Variants in DAB1 observed in about 807,000 individuals in gnomAD.
DAB1 encodes the protein DAB adaptor protein 1.
Under a neutral mutation model 64.6 loss-of-function variants are expected in DAB1, and 15 were observed. That is an observed-to-expected ratio of 0.23 (90% confidence interval 0.16 to 0.36). DAB1 has a LOEUF of 0.36. DAB1 is among the 10% of genes least tolerant of loss of function. DAB1 has a pLI of 1.00. For missense variants in DAB1, 596 were observed against 706.7 expected (o/e 0.84, Z 1.78); for synonymous variants, 235 against 251.9 (o/e 0.93, Z 0.64).
intron 4 of DAB1, among the ~76,000 whole-genome samples, chr1:58,236,807 G>A (rs1238976883): frequency 2.6e-5 from 4 of 152,154 alleles, no homozygotes; most frequent in South Asian, 2.1e-4. Context: ...TGCCAAATCC[G>A]CTAGACTTTT....
rs115259591 is a variant in DAB1 at position 57,433,391 on chromosome 1, G to A, written n.626-142225C>T. Among the ~76,000 whole-genome samples the A allele has an allele frequency of 8.7e-3, 1,331 of 152,124 alleles. 13 individuals carry two copies. Among genetic ancestry groups the A allele is most frequent in the South Asian group, 0.015 (70 of 4,820 alleles). On this transcript the variant is annotated intron_variant and non_coding_transcript_variant, in intron 7 of 20. Coordinates refer to the DAB1 transcript ENST00000485760. ...ATAGAGAATACAGAAATAGATCAAT[G>A]CAGTCACTTGATTTTTTTTTGAAAA...
chr1:57,547,192 G>A (rs1244473710), intron 7 of DAB1, among the ~76,000 whole-genome samples: 1 of 152,046 alleles, frequency 6.6e-6, no homozygotes, highest in Non-Finnish European at 1.5e-5. Context: ...ACAATGAGAT[G>A]GGTGACCACA....
At chr1:58,518,352 A>G (rs1004441526) in intron 2 of DAB1, among the ~76,000 whole-genome samples, 2 of 49,640 alleles carry the variant, frequency 4.0e-5, no homozygotes, top group Non-Finnish European at 1.0e-4. Flanking sequence ...AGAGAAGAGA[A>G]GGGAAGGGAA....
At chr1:57,495,299 A>T (rs1312534337) in intron 7 of DAB1, among the ~76,000 whole-genome samples, 1 of 152,206 alleles carries the variant, frequency 6.6e-6, no homozygotes, top group African/African-American at 2.4e-5. Context: ...AAAAGTTATG[A>T]CAATAATTTC....
At chr1:57,525,735 T>G (rs1644583306) in intron 7 of DAB1, among the ~76,000 whole-genome samples, 2 of 152,034 alleles carry the variant, frequency 1.3e-5, no homozygotes, top group East Asian at 1.9e-4. Flanking sequence ...TTAACCACAT[T>G]ATTATTATAT....
At chr1:58,328,885 A>G (rs1662908825) in intron 4 of DAB1, among the ~76,000 whole-genome samples, 1 of 152,152 alleles carries the variant, frequency 6.6e-6, no homozygotes, top group Non-Finnish European at 1.5e-5. Flanking sequence ...CTTTTTAACC[A>G]GGCCAACTCT....
intron 6 of DAB1, among the ~76,000 whole-genome samples, chr1:57,773,207 C>G (rs532209529): frequency 2.5e-4 from 38 of 152,058 alleles, no homozygotes; most frequent in African/African-American, 8.7e-4. Flanking sequence ...ATAAGAGCCC[C>G]AGGAAATTAA....
At chr1:57,784,371 T>TTATATAACAGATATAACAATAATGAAA (rs1650245817) in intron 6 of DAB1, among the ~76,000 whole-genome samples, 1 of 152,046 alleles carries the variant, frequency 6.6e-6, no homozygotes, top group Admixed American at 6.6e-5. Context: ...TTAGGCTGGG[T>TTATATAACAGATATAACAATAATGAAA]GTTGAAGTGA....
chr1:57,729,620 C>T (rs928399280), intron 6 of DAB1, among the ~76,000 whole-genome samples: 11 of 152,214 alleles, frequency 7.2e-5, no homozygotes, highest in African/African-American at 2.4e-4. Context: ...ATTTCAGTGG[C>T]TCTCCAGAAG....
At chr1:57,923,318 C>T (rs2102026092) in intron 5 of DAB1, among the ~76,000 whole-genome samples, 1 of 152,230 alleles carries the variant, frequency 6.6e-6, no homozygotes, top group South Asian at 2.1e-4. Context: ...ATTATCTAAA[C>T]AGATTGGCCA....
chr1:58,390,276 C>T (rs1644465739), intron 3 of DAB1, among the ~76,000 whole-genome samples: 1 of 152,090 alleles, frequency 6.6e-6, no homozygotes, highest in South Asian at 2.1e-4. Context: ...TGTGAACCTC[C>T]AGCTGCCCCT....
At chr1:58,049,558 T>C (rs2100523814) in intron 5 of DAB1, among the ~76,000 whole-genome samples, 1 of 152,230 alleles carries the variant, frequency 6.6e-6, no homozygotes, top group East Asian at 1.9e-4. Context: ...TGCTGGTAAG[T>C]AGAATATTTG....
At chr1:57,852,575 C>T (rs964135276) in intron 1 of DAB1, among the ~76,000 whole-genome samples, 1 of 151,864 alleles carries the variant, frequency 6.6e-6, no homozygotes, top group African/African-American at 2.4e-5. Flanking sequence ...CCCTCCTCAT[C>T]ACCCCACATC....
At chr1:57,659,757 G>A (rs1424620818) in intron 6 of DAB1, among the ~76,000 whole-genome samples, 1 of 151,958 alleles carries the variant, frequency 6.6e-6, no homozygotes, top group Admixed American at 6.6e-5. Flanking sequence ...TGGGCAGATG[G>A]CTTGAGGTCA....
intron 1 of DAB1, among the ~76,000 whole-genome samples, chr1:57,301,595 C>T (rs1027357984): frequency 2.0e-5 from 3 of 152,300 alleles, no homozygotes; most frequent in Admixed American, 1.3e-4. Context: ...AATAAACAAA[C>T]GCCGCATTTG....
intron 4 of DAB1, among the ~76,000 whole-genome samples, chr1:57,083,592 A>C (rs555831017): frequency 2.0e-4 from 31 of 152,354 alleles, no homozygotes; most frequent in African/African-American, 7.2e-4. Context: ...GTCTGAAATT[A>C]ACCTCTGCCT....
intron 7 of DAB1, among the ~76,000 whole-genome samples, chr1:57,478,363 T>G (rs1643965422): frequency 6.6e-6 from 1 of 152,150 alleles, no homozygotes; most frequent in Non-Finnish European, 1.5e-5. Context: ...GTACAAAATT[T>G]AGATGGCTGT....
intron 7 of DAB1, among the ~76,000 whole-genome samples, chr1:57,576,090 G>A (rs1159021133): frequency 3.9e-5 from 6 of 152,052 alleles, no homozygotes; most frequent in Non-Finnish European, 8.8e-5. Flanking sequence ...TGCACATTCA[G>A]TAGAAATCGT....
chr1:58,109,098 T>C (rs1182298493), intron 5 of DAB1, among the ~76,000 whole-genome samples: 1 of 152,198 alleles, frequency 6.6e-6, no homozygotes, highest in African/African-American at 2.4e-5. Context: ...CCTAAACTTT[T>C]AGTGTTGGGG....
Sources: gnomAD v4.1 joint callset for allele counts (sites outside exome capture counted in the v4.1 genomes callset) on GRCh38, gnomAD v4.1.1 for gene constraint, MANE v1.5 for transcripts, NCBI Gene and HGNC (gene_info 2026-07-23, HGNC 2026-07-21) for gene names.